Variants in PDE1C observed in about 807,000 individuals in gnomAD.
The protein encoded by PDE1C is phosphodiesterase 1C, also known as dual specificity calcium/calmodulin-dependent 3',5'-cyclic nucleotide phosphodiesterase 1C.
In PDE1C, 62 loss-of-function variants were observed where a neutral mutation model predicts 93.1. The ratio of observed to expected loss-of-function variants is 0.67; its 90% CI spans 0.54 to 0.82. The LOEUF (loss-of-function observed/expected upper bound fraction) is 0.82. PDE1C is among the 40% of genes least tolerant of loss of function. The pLI is 0.00. For missense variants in PDE1C, 742 were observed against 884.6 expected (o/e 0.84, Z 2.04); for synonymous variants, 325 against 310.1 (o/e 1.05, Z -0.50).
At chr7:31,881,804 A>C (rs1370053129) in intron 2 of PDE1C, among the ~76,000 whole-genome samples, 2 of 152,002 alleles carry the variant, frequency 1.3e-5, no homozygotes, top group African/African-American at 4.8e-5. Context: ...CCTAAAGATT[A>C]AATGAAATTG....
chr7:31,990,524 C>A (rs1038210355), intron 2 of PDE1C, among the ~76,000 whole-genome samples: 2 of 152,084 alleles, frequency 1.3e-5, no homozygotes, highest in African/African-American at 2.4e-5. Context: ...GGTTAGACTT[C>A]CCAGAAGAAG....
In PDE1C at chr7:31,805,122, T is replaced by C. The variant is rs180699799; in HGVS notation, c.1891+3909A>G. ...TCTGCCACCACGTAAGATGTGCCTT[T>C]GCTCCTCCTTTGCCTTCCACCATGA... On this transcript the variant is annotated intron_variant, in intron 16 of 17. Coordinates refer to ENST00000396191, the MANE Select transcript of PDE1C (RefSeq NM_001191057.4). Among the ~76,000 whole-genome samples the C allele has an allele frequency of 5.8e-3, 887 of 151,900 alleles. 6 individuals are homozygous for C. Among genetic ancestry groups the C allele is most frequent in the African/African-American group, 0.02 (844 of 41,500 alleles).
intron 3 of PDE1C, among the ~76,000 whole-genome samples, chr7:32,120,871 G>A (rs938636322): frequency 3.3e-5 from 5 of 152,116 alleles, no homozygotes; most frequent in African/African-American, 4.8e-5. Flanking sequence ...AGCTGAACTG[G>A]GGATGAGATG....
intron 1 of PDE1C, among the ~76,000 whole-genome samples, chr7:32,418,287 C>T (rs1296436513): frequency 6.6e-6 from 1 of 152,154 alleles, no homozygotes; most frequent in South Asian, 2.1e-4. Flanking sequence ...CAGCACAAGG[C>T]TTAAGACCTG....
chr7:31,619,624 G>A, the PDE1C span, among the ~76,000 whole-genome samples: 1 of 152,002 alleles, frequency 6.6e-6, no homozygotes, highest in Non-Finnish European at 1.5e-5. Context: ...GAAGGGGGAG[G>A]AGCCAAGATG....
At chr7:32,179,244 T>C (rs904950512) in intron 2 of PDE1C, among the ~76,000 whole-genome samples, 3 of 149,572 alleles carry the variant, frequency 2.0e-5, no homozygotes, top group African/African-American at 7.4e-5. Context: ...TTATCGCAAC[T>C]AGGAAGAGTC....
intron 1 of PDE1C, among the ~76,000 whole-genome samples, chr7:32,337,630 G>A (rs1199234045): frequency 1.3e-5 from 2 of 151,982 alleles, no homozygotes; most frequent in Non-Finnish European, 2.9e-5. Flanking sequence ...TTAGAGTCCA[G>A]CATCAGGGAC....
intron 2 of PDE1C, among the ~76,000 whole-genome samples, chr7:32,190,058 AC>A (rs917757457): frequency 2.6e-5 from 4 of 152,152 alleles, no homozygotes; most frequent in Non-Finnish European, 5.9e-5. Context: ...TTGGCTTCTG[AC>A]CCAACTGGCT....
chr7:32,409,951 CACCACT>C (rs1186795392), intron 1 of PDE1C, among the ~76,000 whole-genome samples: 1 of 152,024 alleles, frequency 6.6e-6, no homozygotes, highest in African/African-American at 2.4e-5. Context: ...GGCTCACTCT[CACCACT>C]ACCAGTTAAC....
intron 2 of PDE1C, among the ~76,000 whole-genome samples, chr7:32,034,927 T>C (rs964564316): frequency 3.9e-5 from 6 of 152,320 alleles, no homozygotes; most frequent in Middle Eastern, 3.4e-3. Flanking sequence ...AAAGCATTTA[T>C]CTCAGTGCCA....
intron 1 of PDE1C, among the ~76,000 whole-genome samples, chr7:32,416,697 GA>G (rs1241922810): frequency 6.6e-6 from 1 of 152,060 alleles, no homozygotes; most frequent in African/African-American, 2.4e-5. Context: ...ATGCTGTCAG[GA>G]ATTGGGGCAG....
Position 31,884,766 on chromosome 7 carries a change from A to T in PDE1C, c.129-3906T>A, listed in dbSNP as rs185276385. On this transcript the variant is annotated intron_variant, in intron 2 of 17. Transcript: ENST00000396191. ...TTGGTGAAATGGCTATTCTTTGGGC[A>T]AAAGAGTTTCAAATTAGCTCTTTTA... 4.6e-5 allele frequency among the ~76,000 whole-genome samples: 7 copies of T among 152,334 alleles called. No homozygotes were observed. The East Asian group carries it at 1.3e-3, about 29-fold the overall frequency.
chr7:31,836,141 T>C (rs1358655189), intron 11 of PDE1C, among the ~76,000 whole-genome samples: 1 of 152,216 alleles, frequency 6.6e-6, no homozygotes, highest in Non-Finnish European at 1.5e-5. Flanking sequence ...CTATGTATCA[T>C]GTCTTCAATC....
At chr7:32,208,499 CA>C (rs71559213) in intron 2 of PDE1C, among the ~76,000 whole-genome samples, 44,556 of 141,246 alleles carry the variant, frequency 0.32, 6,893 homozygotes, top group Admixed American at 0.43. Context: ...TTTAGGAAGG[CA>C]AAAAAAAAAA....
At chr7:31,622,014 T>G in the PDE1C span, among the ~76,000 whole-genome samples, 1 of 141,638 alleles carries the variant, frequency 7.1e-6, no homozygotes, top group Non-Finnish European at 1.5e-5. Flanking sequence ...AAGAAGGCCA[T>G]TACATAATGG....
At chr7:32,030,531 G>A (rs1338115115) in intron 2 of PDE1C, among the ~76,000 whole-genome samples, 2 of 151,994 alleles carry the variant, frequency 1.3e-5, no homozygotes, top group African/African-American at 2.4e-5. Flanking sequence ...AGGCTTCTAC[G>A]TACATGTTGA....
At chr7:31,988,025 G>A (rs1783645166) in intron 2 of PDE1C, among the ~76,000 whole-genome samples, 1 of 152,202 alleles carries the variant, frequency 6.6e-6, no homozygotes, top group Non-Finnish European at 1.5e-5. Flanking sequence ...AGAAAGGGAA[G>A]GAAGTTAGGG....
At chr7:32,349,721 T>C (rs936809819) in intron 1 of PDE1C, among the ~76,000 whole-genome samples, 1 of 152,082 alleles carries the variant, frequency 6.6e-6, no homozygotes, top group African/African-American at 2.4e-5. Context: ...CCTCCACCTC[T>C]CGGGTTCAAG....
the PDE1C span, among the ~76,000 whole-genome samples, chr7:31,737,199 G>A: frequency 6.6e-6 from 1 of 150,980 alleles, no homozygotes; most frequent in Non-Finnish European, 1.5e-5. Flanking sequence ...AGCTGACCTT[G>A]AACTCCTGGC....
Sources: allele counts gnomAD v4.1 joint callset (sites outside exome capture counted in the v4.1 genomes callset), GRCh38; gene constraint gnomAD v4.1.1; transcripts MANE v1.5; gene names NCBI Gene and HGNC (gene_info 2026-07-23, HGNC 2026-07-21).